Variants in BST1 observed in about 807,000 individuals in gnomAD.
BST1 encodes ADP-ribosyl cyclase/cyclic ADP-ribose hydrolase 2.
BST1 carries 49 observed loss-of-function variants against 40.6 expected under a neutral mutation model. The observed-to-expected ratio is 1.21, with a 90% CI of 0.96 to 1.53. The LOEUF is 1.53. Among genes scored for constraint, BST1 ranks in the 40% most tolerant of loss-of-function variants. The probability of loss-of-function intolerance (pLI) is 0.00; values close to 1 mark genes in which losing one functional copy is unlikely to be tolerated. For missense variants in BST1, 423 were observed against 395.9 expected (o/e 1.07, Z -0.58); for synonymous variants, 157 against 159.3 (o/e 0.99, Z 0.11).
At chr4:15,758,574 C>T in the BST1 span, among the ~76,000 whole-genome samples, 1 of 152,184 alleles carries the variant, frequency 6.6e-6, no homozygotes, top group African/African-American at 2.4e-5. Context: ...GAAATTTACT[C>T]TCTTAGCAAT....
chr4:15,739,662 G>A (rs1415662014), downstream of BST1, among the ~76,000 whole-genome samples: 1 of 151,616 alleles, frequency 6.6e-6, no homozygotes. Context: ...TCATGACTTT[G>A]CTATAGGACA....
intron 6 of BST1, among the ~76,000 whole-genome samples, chr4:15,718,528 T>C (rs1252391970): frequency 6.6e-6 from 1 of 152,240 alleles, no homozygotes; most frequent in Non-Finnish European, 1.5e-5. Flanking sequence ...AAACTTCAAA[T>C]GAATATACTG....
intron 6 of BST1, among the ~76,000 whole-genome samples, chr4:15,718,244 AGTGTGT>A (rs35788103): frequency 3.4e-5 from 5 of 149,048 alleles, no homozygotes; most frequent in African/African-American, 9.8e-5. Flanking sequence ...ATGGCAGAGA[AGTGTGT>A]GTGTGTGTGT....
rs1243785202 is a variant in BST1, at chr4:15,731,695, A to T, written c.852-45A>T. 3.2e-6 allele frequency: 5 copies of T among 1,576,282 alleles called. No homozygotes were observed. The South Asian group carries it at 5.7e-5, about 18-fold the overall frequency. ...ACATATATTTTTGAGCGTAGATTCC[A>T]TACACCAATACTGACACTTTCTCTA... On this transcript the variant is annotated intron_variant, in intron 8 of 8. Coordinates refer to ENST00000265016, the MANE Select transcript of BST1 (RefSeq NM_004334.3).
chr4:15,711,951 G>A (rs1293864077), intron 4 of BST1, 62 bp downstream of exon 4: 1 of 1,423,656 alleles, frequency 7.0e-7, no homozygotes, highest in Non-Finnish European at 9.9e-7. Context: ...ATGGAACATA[G>A]TCATTCAGAG....
At chr4:15,743,297 C>A, downstream of BST1, 3 of 306,358 alleles carry the variant, frequency 9.8e-6, no homozygotes, top group Non-Finnish European at 1.3e-5. Flanking sequence ...ACATACCGAC[C>A]AAACAGCTAA....
intron 4 of BST1, among the ~76,000 whole-genome samples, chr4:15,712,179 A>G (rs1720254636): frequency 6.6e-6 from 1 of 152,212 alleles, no homozygotes; most frequent in African/African-American, 2.4e-5. Context: ...TATCATTAGT[A>G]TTTCAAATCA....
intron 8 of BST1, among the ~76,000 whole-genome samples, chr4:15,725,104 G>A (rs1032869931): frequency 3.3e-5 from 5 of 150,458 alleles, no homozygotes; most frequent in African/African-American, 1.2e-4. Context: ...CTAAGCCACT[G>A]TCATTTAGAC....
intron 4 of BST1, 148 bp from the exon 5 acceptor site, chr4:15,715,137 C>A: frequency 1.5e-6 from 1 of 659,296 alleles, no homozygotes; most frequent in Non-Finnish European, 2.5e-6. Flanking sequence ...CAAAATAAAC[C>A]AGTTTGCATT....
At position 15,713,348 on chromosome 4, in the gene BST1, G is replaced by A. The variant is rs528575091; in HGVS notation, c.534+1459G>A. ...CTACAGGCGTGTGCCACCATGCCCA[G>A]CTAATTTTTGTATTTTCAGTAGAGA... On this transcript the variant is annotated intron_variant, in intron 4 of 8. Coordinates refer to ENST00000265016, the MANE Select transcript of BST1 (RefSeq NM_004334.3). 1.6e-4 allele frequency among the ~76,000 whole-genome samples: 24 copies of A among 149,994 alleles called. No individual in the cohort carries two copies. In the South Asian group the frequency reaches 4.2e-3, roughly 27 times the overall value.
intron 4 of BST1, among the ~76,000 whole-genome samples, chr4:15,713,851 G>T (rs144048439): frequency 6.6e-6 from 1 of 151,820 alleles, no homozygotes; most frequent in African/African-American, 2.4e-5. Flanking sequence ...CTACAGGTGC[G>T]TGTCACCATG....
intron 4 of BST1, 81 bp downstream of exon 4, chr4:15,711,970 C>A: frequency 8.1e-7 from 1 of 1,229,068 alleles, no homozygotes; most frequent in Non-Finnish European, 1.2e-6. Context: ...AGTCTGGGCC[C>A]CAGGTCATCA....
downstream of BST1, among the ~76,000 whole-genome samples, chr4:15,737,141 A>G (rs1215548135): frequency 6.6e-6 from 1 of 152,194 alleles, no homozygotes; most frequent in African/African-American, 2.4e-5. Flanking sequence ...ATGTGCATAA[A>G]GAACCCAGAA....
rs79643610 is a variant in BST1 at position 15,712,382 on chromosome 4, A to G, written c.534+493A>G. On this transcript the variant is annotated intron_variant, in intron 4 of 8. Coordinates refer to ENST00000265016, the MANE Select transcript of BST1 (RefSeq NM_004334.3). ...AGGTAGGTCTGTTTCCCAGAGAATG[A>G]TGTCACCAGAGTTGATGACAGCTAT... Among the ~76,000 whole-genome samples, 1,299 of 152,316 alleles carry G rather than the reference A, an allele frequency of 8.5e-3. 16 individuals are homozygous for G. Among genetic ancestry groups the G allele is most frequent in the African/African-American group, 0.029 (1,222 of 41,560 alleles).
chr4:15,707,855 C>CTATATA (rs1553863514), intron 3 of BST1, among the ~76,000 whole-genome samples: 127 of 128,620 alleles, frequency 9.9e-4, no homozygotes, highest in Admixed American at 1.6e-3. Context: ...CTCTCTCTCT[C>CTATATA]TATATATATA....
chr4:15,735,674 AG>A (rs1721533398), downstream of BST1, among the ~76,000 whole-genome samples: 1 of 152,204 alleles, frequency 6.6e-6, no homozygotes, highest in South Asian at 2.1e-4. Context: ...GGTTTGTCTC[AG>A]GACCGTCTGG....
the BST1 span, among the ~76,000 whole-genome samples, chr4:15,757,466 A>T: frequency 6.6e-6 from 1 of 152,002 alleles, no homozygotes; most frequent in African/African-American, 2.4e-5. Flanking sequence ...CAGAATAATG[A>T]TCCTCCTGTC....
the BST1 span, chr4:15,743,689 A>T: frequency 5.8e-6 from 1 of 171,184 alleles, no homozygotes; most frequent in Non-Finnish European, 1.2e-5. Context: ...TGGATGTTTT[A>T]TCTGGATGGC....
intron 8 of BST1, among the ~76,000 whole-genome samples, chr4:15,725,198 A>C (rs1159310654): frequency 6.6e-6 from 1 of 152,174 alleles, no homozygotes; most frequent in African/African-American, 2.4e-5. Flanking sequence ...AGAGAAGTTT[A>C]TGAAGGACTC....
Sources: allele counts gnomAD v4.1 joint callset (sites outside exome capture counted in the v4.1 genomes callset), GRCh38; gene constraint gnomAD v4.1.1; transcripts MANE v1.5; gene names NCBI Gene and HGNC (gene_info 2026-07-23, HGNC 2026-07-21).